Variants in PRDM10 observed in about 807,000 individuals in gnomAD.
PRDM10 encodes PR domain zinc finger protein 10.
Under a neutral mutation model 133.1 loss-of-function variants are expected in PRDM10, and 65 were observed. The observed-to-expected ratio is 0.49, with a 90% confidence interval of 0.40 to 0.60. The LOEUF (loss-of-function observed/expected upper bound fraction) is 0.60, where lower values mean the gene tolerates loss of function less well. PRDM10 is among the 20% of genes least tolerant of loss of function. PRDM10 has a pLI of 0.00. For synonymous variants in PRDM10, 582 were observed against 580.4 expected, an observed-to-expected ratio of 1.00 and a Z score of -0.04; for missense variants, 1,137 against 1,507.1, an observed-to-expected ratio of 0.75 and a Z score of 4.07.
intron 1 of PRDM10, among the ~76,000 whole-genome samples, chr11:129,993,301 A>G (rs1938849157): frequency 6.6e-6 from 1 of 152,152 alleles, no homozygotes; most frequent in South Asian, 2.1e-4. Flanking sequence ...TGTTTAAGAA[A>G]TGTTTCTCTA....
intron 11 of PRDM10, among the ~76,000 whole-genome samples, chr11:129,928,000 T>C (rs1368075165): frequency 6.6e-6 from 1 of 152,220 alleles, no homozygotes; most frequent in Non-Finnish European, 1.5e-5. Flanking sequence ...ACCAAAATCG[T>C]ATTGTTGCTA....
intron 1 of PRDM10, among the ~76,000 whole-genome samples, chr11:129,987,631 C>T (rs572601163): frequency 2.0e-4 from 30 of 151,916 alleles, no homozygotes; most frequent in Non-Finnish European, 2.8e-4. Flanking sequence ...AAAATGGAAA[C>T]GATCCAAATA....
intron 1 of PRDM10, among the ~76,000 whole-genome samples, chr11:130,002,200 CCCGGAGCGCCCGCGCAACCGCCGCCG>C (rs1401680190): frequency 1.4e-5 from 2 of 147,770 alleles, no homozygotes; most frequent in Non-Finnish European, 3.0e-5. Flanking sequence ...GCCCGCCGCG[CCCGGAGCGCCCGCGCAACCGCCGCCG>C]CCGGAGCGCG....
At chr11:129,952,156 C>A (rs1181564494) in intron 4 of PRDM10, among the ~76,000 whole-genome samples, 1 of 152,092 alleles carries the variant, frequency 6.6e-6, no homozygotes, top group Non-Finnish European at 1.5e-5. Flanking sequence ...TCCTTTTGAG[C>A]AAAACATGAA....
intron 1 of PRDM10, among the ~76,000 whole-genome samples, chr11:129,968,063 G>A (rs1310706389): frequency 6.6e-6 from 1 of 152,174 alleles, no homozygotes; most frequent in African/African-American, 2.4e-5. Context: ...CCCAGATTCA[G>A]CTTCAAAGGT....
At chr11:129,906,694 A>G (rs1950025750) in intron 19 of PRDM10, among the ~76,000 whole-genome samples, 1 of 152,164 alleles carries the variant, frequency 6.6e-6, no homozygotes, top group African/African-American at 2.4e-5. Context: ...TGCTAGAATC[A>G]TGGCCAGGCA....
At position 129,909,400 on chromosome 11, in the gene PRDM10, C is replaced by A. The variant is rs187331821; in HGVS notation, c.3163+1076G>T. 3.5e-4 allele frequency among the ~76,000 whole-genome samples: 53 copies of A among 150,860 alleles called. No homozygotes were observed. In the East Asian group the frequency reaches 4.0e-3, roughly 11 times the overall value. On this transcript the variant is annotated intron_variant, in intron 19 of 20. Coordinates refer to ENST00000360871, the MANE Select transcript of PRDM10 (RefSeq NM_199437.2). ...GGGAGGCGGAGGTTGCAGTGAGCCGCGATTGTGCCACTGCACTCCAGCCTG... is the reference window on the plus strand; with the variant it reads ...GGGAGGCGGAGGTTGCAGTGAGCCGAGATTGTGCCACTGCACTCCAGCCTG...
chr11:129,914,411 A>C, intron 17 of PRDM10: 1 of 473,842 alleles, frequency 2.1e-6, no homozygotes, highest in South Asian at 2.1e-5. Context: ...GGTTAAAGAT[A>C]AGGATCAGAA....
chr11:129,949,796 T>C (rs1015814960), intron 4 of PRDM10, among the ~76,000 whole-genome samples: 1 of 151,300 alleles, frequency 6.6e-6, no homozygotes, highest in Admixed American at 6.6e-5. Context: ...TAGCTGGGCA[T>C]GGTAGCGGGT....
At chr11:129,982,038 A>C (rs1242937099) in intron 1 of PRDM10, among the ~76,000 whole-genome samples, 1 of 152,040 alleles carries the variant, frequency 6.6e-6, no homozygotes, top group Non-Finnish European at 1.5e-5. Context: ...CTGGTGGATC[A>C]CTTGAGCTTG....
intron 1 of PRDM10, among the ~76,000 whole-genome samples, chr11:129,971,624 C>T (rs1952027096): frequency 6.7e-6 from 1 of 149,748 alleles, no homozygotes; most frequent in South Asian, 2.1e-4. Context: ...AAGGCCCCAC[C>T]AGAGCAGCTA....
intron 1 of PRDM10, among the ~76,000 whole-genome samples, chr11:130,001,696 C>G (rs1041216851): frequency 1.3e-5 from 2 of 152,208 alleles, no homozygotes; most frequent in Non-Finnish European, 1.5e-5. Context: ...GGGGAATATT[C>G]CATTTTACTT....
chr11:129,919,731 C>T (rs1468938365), intron 13 of PRDM10, among the ~76,000 whole-genome samples: 1 of 152,164 alleles, frequency 6.6e-6, no homozygotes, highest in African/African-American at 2.4e-5. Flanking sequence ...TCTACAAATC[C>T]AGTTCTTCCC....
rs753746182 is a variant in PRDM10 at position 129,915,687 on chromosome 11, G to A, written c.2499C>T (p.Pro833=). Residue 833 remains proline, a synonymous_variant, in exon 16 of 21, where the codon CCC becomes CCT. Transcript: ENST00000360871. ...TGCTGCTGTACTGCTTGGAGCAGTGGGGACAGCAGACGGGAGGGGTGGCGA... is the reference window on the plus strand; with the variant it reads ...TGCTGCTGTACTGCTTGGAGCAGTGAGGACAGCAGACGGGAGGGGTGGCGA... ...GTIATPPVCC[P]HCSKQYSSKT... 1.2e-6 allele frequency: 2 copies of A among 1,612,842 alleles called. No homozygotes were observed. Among genetic ancestry groups the A allele is most frequent in the African/African-American group, 1.3e-5 (1 of 74,904 alleles).
intron 19 of PRDM10, among the ~76,000 whole-genome samples, chr11:129,909,319 G>A (rs1030569183): frequency 8.6e-5 from 13 of 151,840 alleles, no homozygotes; most frequent in Admixed American, 3.3e-4. Context: ...GCGTGGTGGC[G>A]GGTGCCTGTA....
chr11:129,913,233 A>C (rs1336827718), intron 17 of PRDM10, among the ~76,000 whole-genome samples: 1 of 151,720 alleles, frequency 6.6e-6, no homozygotes, highest in Non-Finnish European at 1.5e-5. Context: ...AAAAAAAAAA[A>C]AAAAAAACCA....
intron 1 of PRDM10, among the ~76,000 whole-genome samples, chr11:129,982,984 T>A (rs1311396341): frequency 1.3e-5 from 2 of 152,098 alleles, no homozygotes; most frequent in African/African-American, 4.8e-5. Context: ...TAAAAAATTT[T>A]TTTTTTCTTT....
Position 129,945,453 on chromosome 11 carries a change from T to A in PRDM10, c.521-441A>T, listed in dbSNP as rs1171790331. Among the ~76,000 whole-genome samples the A allele has an allele frequency of 6.6e-6, 1 of 152,170 alleles. No homozygotes were observed. Among genetic ancestry groups the A allele is most frequent in the Non-Finnish European group, 1.5e-5 (1 of 68,044 alleles). On this transcript the variant is annotated intron_variant, in intron 5 of 20. Transcript: ENST00000360871. This position sits in a 1 kb window ranked among gnomAD's most constrained non-coding sequence, Gnocchi z 4.2. ...CCGGGGAGGAACCCTGACAATACTATTGAATCAATTTTCTCAAAGGGAGTT... is the reference window on the plus strand; with the variant it reads ...CCGGGGAGGAACCCTGACAATACTAATGAATCAATTTTCTCAAAGGGAGTT...
Position 129,900,451 on chromosome 11 carries a change from G to A in PRDM10, c.*1862C>T, listed in dbSNP as rs1648083238. The stretch of plus-strand genomic sequence containing the variant: ...GTGTATTTTAAAACTTAAAACAACT[G>A]CCATAAAATGAACATTCCATTCAGT... On this transcript the variant is annotated 3_prime_UTR_variant, in exon 21 of 21. Transcript: ENST00000360871. 2 of 152,578 alleles carry A rather than the reference G, an allele frequency of 1.3e-5. No homozygotes were observed. The highest frequency in any genetic ancestry group is 1.5e-5 in the Non-Finnish European group (1 of 68,024). 9.5% of individuals were successfully genotyped at this position (152,578 alleles called of 1,614,324 possible). A position where few individuals can be genotyped will look rare whatever the true frequency, so the allele number is the denominator to read the frequency against.
Sources: allele counts gnomAD v4.1 joint callset (sites outside exome capture counted in the v4.1 genomes callset), GRCh38; gene constraint gnomAD v4.1.1; non-coding constraint Gnocchi (gnomAD v3.1); transcripts MANE v1.5; gene names NCBI Gene and HGNC (gene_info 2026-07-23, HGNC 2026-07-21).